The following DNAH11 variants were observed in gnomAD, a reference collection of about 807,000 sequenced individuals.
DNAH11 encodes the protein dynein axonemal heavy chain 11, also known as axonemal beta dynein heavy chain 11.
Under a neutral mutation model 526.0 loss-of-function variants are expected in DNAH11, and 442 were observed. That is an observed-to-expected ratio of 0.84 (90% CI 0.78 to 0.91). The LOEUF (loss-of-function observed/expected upper bound fraction) is 0.91, where lower values mean the gene tolerates loss of function less well. DNAH11 is among the 40% of genes least tolerant of loss of function. The pLI is 0.00. For synonymous variants in DNAH11, 2,461 were observed against 1,935.9 expected, an observed-to-expected ratio of 1.27 and a Z score of -7.12; for missense variants, 6,989 against 5,448.7, an observed-to-expected ratio of 1.28 and a Z score of -8.90.
At chr7:21,844,606 G>C (rs1292861467) in intron 66 of DNAH11, among the ~76,000 whole-genome samples, 6 of 152,122 alleles carry the variant, frequency 3.9e-5, no homozygotes, top group African/African-American at 1.4e-4. Flanking sequence ...GTATAAATCA[G>C]TGGTTCTCAA....
chr7:21,654,212 C>T (rs958199943), intron 28 of DNAH11, among the ~76,000 whole-genome samples: 1 of 152,140 alleles, frequency 6.6e-6, no homozygotes, highest in African/African-American at 2.4e-5. Context: ...AGTAAAACCC[C>T]CTATCCATTA....
intron 56 of DNAH11, among the ~76,000 whole-genome samples, chr7:21,776,103 A>G (rs1190538376): frequency 6.6e-6 from 1 of 152,180 alleles, no homozygotes; most frequent in Non-Finnish European, 1.5e-5. Flanking sequence ...TTGATGAGTC[A>G]GGGGGATGGG....
intron 25 of DNAH11, among the ~76,000 whole-genome samples, chr7:21,626,393 A>G (rs964851272): frequency 1.3e-5 from 2 of 152,310 alleles, no homozygotes; most frequent in East Asian, 1.9e-4. Flanking sequence ...TATTTTGGCT[A>G]TTGTAAATTA....
chr7:21,800,230 G>A (rs1317724844), intron 61 of DNAH11, among the ~76,000 whole-genome samples: 1 of 152,136 alleles, frequency 6.6e-6, no homozygotes, highest in East Asian at 1.9e-4. Flanking sequence ...GTGCCCCAGT[G>A]GAAGGTGTTC....
chr7:21,574,805 A>G (rs1484675896), intron 8 of DNAH11, among the ~76,000 whole-genome samples: 6 of 143,470 alleles, frequency 4.2e-5, no homozygotes, highest in Non-Finnish European at 9.0e-5. Flanking sequence ...ACCTCAGATG[A>G]TCCACCCTCC....
intron 51 of DNAH11, 61 bp downstream of exon 51, chr7:21,745,124 GT>G: frequency 6.6e-7 from 1 of 1,513,888 alleles, no homozygotes; most frequent in Non-Finnish European, 9.0e-7. Flanking sequence ...ATCCACTACT[GT>G]CATTTTTCAA....
In DNAH11 at chr7:21,717,858, C is replaced by T; in HGVS notation, c.7067C>T (p.Ala2356Val). Residue 2356 changes from alanine (A) to valine (V), a missense_variant, in exon 43 of 82, where the codon GCA becomes GTA. By Grantham distance (64) the Ala-to-Val change is moderately conservative. Coordinates refer to ENST00000409508, the MANE Select transcript of DNAH11 (RefSeq NM_001277115.2). ...LTILFDKYVP[A>V]CLDKLRTSFK... ...ATTCTTTTTGATAAATATGTCCCTG[C>T]ATGCTTGGATAAACTGAGAACAAGC... The T allele has an allele frequency of 6.2e-7, 1 of 1,613,910 alleles. No homozygotes were observed. The highest frequency in any genetic ancestry group is 8.5e-7 in the Non-Finnish European group (1 of 1,179,832).
At chr7:21,878,086 G>A (rs1171854742) in intron 74 of DNAH11, among the ~76,000 whole-genome samples, 2 of 152,194 alleles carry the variant, frequency 1.3e-5, no homozygotes, top group Non-Finnish European at 2.9e-5. Context: ...TGGGTATGCA[G>A]ATGCCTGTTC....
At chr7:21,830,893 T>C (rs912375954) in intron 65 of DNAH11, among the ~76,000 whole-genome samples, 5 of 152,196 alleles carry the variant, frequency 3.3e-5, no homozygotes, top group Non-Finnish European at 7.3e-5. Context: ...ATAATTTTAT[T>C]TCTGTTCTGA....
intron 23 of DNAH11, 143 bp downstream of exon 23, chr7:21,617,920 G>A (rs1027862976): frequency 9.2e-6 from 9 of 982,902 alleles, no homozygotes; most frequent in Non-Finnish European, 1.3e-5. Context: ...CCTTTTTGCT[G>A]TCTAGAAAAA....
intron 48 of DNAH11, among the ~76,000 whole-genome samples, chr7:21,740,602 A>T (rs111265495): frequency 1.4e-3 from 214 of 152,194 alleles, no homozygotes; most frequent in African/African-American, 4.7e-3. Flanking sequence ...TATTTACCAC[A>T]TTTTCCTTAG....
intron 34 of DNAH11, among the ~76,000 whole-genome samples, chr7:21,689,788 C>T (rs1046517004): frequency 2.0e-5 from 3 of 152,204 alleles, no homozygotes; most frequent in African/African-American, 7.2e-5. Flanking sequence ...ATGATGCAGA[C>T]CCAGCTCCTT....
chr7:21,617,892 T>C (rs1220074282), intron 23 of DNAH11, 115 bp downstream of exon 23: 4 of 1,143,754 alleles, frequency 3.5e-6, no homozygotes, highest in Non-Finnish European at 4.7e-6. Flanking sequence ...CAGCATAGCC[T>C]CTACTTGCTG....
At chr7:21,726,097 A>G (rs1785091987) in intron 45 of DNAH11, 113 bp downstream of exon 45, 3 of 1,083,442 alleles carry the variant, frequency 2.8e-6, no homozygotes, top group Non-Finnish European at 3.8e-6. Context: ...ATGATTCCAC[A>G]GGCTGCCCAG....
intron 65 of DNAH11, among the ~76,000 whole-genome samples, chr7:21,829,104 C>G (rs1364921304): frequency 1.3e-5 from 2 of 152,130 alleles, no homozygotes; most frequent in Non-Finnish European, 2.9e-5. Context: ...TTCCGCTGCA[C>G]TCTTGACTGT....
At position 21,600,013 on chromosome 7, in the gene DNAH11, C is replaced by T; in HGVS notation, c.2894C>T (p.Ala965Val). Residue 965 changes from alanine to valine, a missense_variant, in exon 15 of 82, where the codon GCT (alanine) becomes GTT (valine). By Grantham distance (64) the Ala-to-Val change is moderately conservative. Transcript: ENST00000409508. ...TTTAAACCTTCCCTAGACAGAGAGGCTGGGGATGGCTTCTATGATCTTGTA... is the reference window on the plus strand; with the variant it reads ...TTTAAACCTTCCCTAGACAGAGAGGTTGGGGATGGCTTCTATGATCTTGTA... Reference protein sequence around the residue: ...IVFKPSLDREAGDGFYDLVEE... With the variant: ...IVFKPSLDREVGDGFYDLVEE... 1 of 1,613,196 alleles carries T rather than the reference C, an allele frequency of 6.2e-7. No homozygotes were observed.
chr7:21,740,729 G>A (rs925913392), intron 48 of DNAH11, among the ~76,000 whole-genome samples: 2 of 152,006 alleles, frequency 1.3e-5, no homozygotes, highest in African/African-American at 4.8e-5. Flanking sequence ...AATTCTTTGG[G>A]GTGTACACCC....
intron 30 of DNAH11, among the ~76,000 whole-genome samples, chr7:21,668,709 G>A (rs144522158): frequency 2.1e-4 from 32 of 152,222 alleles, no homozygotes; most frequent in African/African-American, 6.5e-4. Flanking sequence ...CATTGTATAC[G>A]TGTACCACAA....
At chr7:21,802,964 G>A (rs1245673246) in intron 62 of DNAH11, among the ~76,000 whole-genome samples, 47 of 146,184 alleles carry the variant, frequency 3.2e-4, no homozygotes, top group African/African-American at 1.3e-3. Context: ...TATATATAAT[G>A]TAGTAAAAAA....
Sources: allele counts gnomAD v4.1 joint callset (sites outside exome capture counted in the v4.1 genomes callset), GRCh38; gene constraint gnomAD v4.1.1; transcripts MANE v1.5; gene names NCBI Gene and HGNC (gene_info 2026-07-23, HGNC 2026-07-21).